The following TAFA5 variants were observed in gnomAD, a reference collection of about 807,000 sequenced individuals.
TAFA5 encodes the protein chemokine-like protein TAFA-5.
A neutral mutation model predicts 15.3 loss-of-function variants in TAFA5; 6 were observed. That is an observed-to-expected ratio of 0.39 (90% confidence interval 0.21 to 0.77). The LOEUF (loss-of-function observed/expected upper bound fraction) is 0.77. TAFA5 is among the 30% of genes least tolerant of loss of function. The pLI, the probability that TAFA5 is intolerant of heterozygous loss-of-function variation, is 0.41. For missense variants in TAFA5, 161 were observed against 193.1 expected (o/e 0.83, Z 0.98); for synonymous variants, 103 against 80.7 (o/e 1.28, Z -1.48).
chr22:48,588,236 G>A (rs141407735), intron 1 of TAFA5, among the ~76,000 whole-genome samples: 55 of 152,330 alleles, frequency 3.6e-4, no homozygotes, highest in Admixed American at 1.3e-4. Context: ...GGCCATGACC[G>A]CAGTGACTGC....
intron 2 of TAFA5, among the ~76,000 whole-genome samples, chr22:48,678,267 C>G (rs1373179796): frequency 6.6e-6 from 1 of 152,226 alleles, no homozygotes; most frequent in Non-Finnish European, 1.5e-5. Flanking sequence ...TCTCTCCCGC[C>G]GGCTCTGTGC....
intron 1 of TAFA5, chr22:48,576,409 G>C: frequency 8.0e-7 from 1 of 1,250,190 alleles, no homozygotes; most frequent in Non-Finnish European, 1.0e-6. Flanking sequence ...GCTGCACCCG[G>C]CGGGGCGCTG....
At chr22:48,557,348 C>T (rs912894192) in intron 1 of TAFA5, among the ~76,000 whole-genome samples, 5 of 152,132 alleles carry the variant, frequency 3.3e-5, no homozygotes, top group Admixed American at 6.5e-5. Context: ...GAGAAGACGG[C>T]GTCCACAGGC....
intron 2 of TAFA5, among the ~76,000 whole-genome samples, chr22:48,652,973 C>A (rs1241251779): frequency 6.6e-6 from 1 of 152,226 alleles, no homozygotes; most frequent in Non-Finnish European, 1.5e-5. Flanking sequence ...GGCTTGGGGT[C>A]CGTGCTTTGT....
intron 2 of TAFA5, among the ~76,000 whole-genome samples, chr22:48,648,002 G>A (rs1293218603): frequency 6.6e-6 from 1 of 152,210 alleles, no homozygotes; most frequent in African/African-American, 2.4e-5. Flanking sequence ...GCCAGAAGAA[G>A]ATAGGGACAG....
chr22:48,664,232 G>T (rs939652804), intron 2 of TAFA5, among the ~76,000 whole-genome samples: 2 of 152,208 alleles, frequency 1.3e-5, no homozygotes, highest in African/African-American at 4.8e-5. Context: ...CTGGTGGTCT[G>T]GGGGTGTATC....
intron 2 of TAFA5, among the ~76,000 whole-genome samples, chr22:48,695,872 A>G (rs776395456): frequency 2.0e-5 from 3 of 152,122 alleles, no homozygotes; most frequent in Non-Finnish European, 4.4e-5. Context: ...AGTTCTGCAT[A>G]CAGCATCACT....
At chr22:48,627,598 G>A (rs562594622) in intron 1 of TAFA5, among the ~76,000 whole-genome samples, 13 of 152,264 alleles carry the variant, frequency 8.5e-5, no homozygotes, top group Non-Finnish European at 1.6e-4. Flanking sequence ...CTTAATGGGG[G>A]CGAGTAGCAG....
chr22:48,685,527 T>C (rs1928325425), intron 2 of TAFA5, among the ~76,000 whole-genome samples: 1 of 152,184 alleles, frequency 6.6e-6, no homozygotes, highest in Non-Finnish European at 1.5e-5. Flanking sequence ...GAATTTGGTA[T>C]CTTATTGCCA....
intron 1 of TAFA5, among the ~76,000 whole-genome samples, chr22:48,588,547 T>C (rs535516207): frequency 8.5e-5 from 13 of 152,268 alleles, no homozygotes; most frequent in African/African-American, 3.1e-4. Flanking sequence ...CCCCGTCCCC[T>C]GTGTTGGACT....
intron 1 of TAFA5, among the ~76,000 whole-genome samples, chr22:48,571,218 T>C (rs966811729): frequency 1.3e-5 from 2 of 152,154 alleles, no homozygotes; most frequent in African/African-American, 4.8e-5. Context: ...TAAAGCAAAA[T>C]TCAGTATCAG....
intron 1 of TAFA5, among the ~76,000 whole-genome samples, chr22:48,585,110 ACAC>A (rs1924295802): frequency 6.7e-6 from 1 of 149,764 alleles, no homozygotes; most frequent in South Asian, 2.1e-4. Context: ...ACGCACACAC[ACAC>A]AATACACCAC....
intron 3 of TAFA5, among the ~76,000 whole-genome samples, chr22:48,727,593 G>A (rs527913187): frequency 1.8e-4 from 27 of 152,176 alleles, no homozygotes; most frequent in Admixed American, 3.9e-4. Flanking sequence ...TGTTCGGATA[G>A]AATGTCACTA....
At chr22:48,709,439 A>T (rs1035479084) in intron 3 of TAFA5, among the ~76,000 whole-genome samples, 2 of 151,946 alleles carry the variant, frequency 1.3e-5, no homozygotes, top group Non-Finnish European at 2.9e-5. Context: ...TACCGCCCTG[A>T]GTCTCCAGCA....
chr22:48,576,344 G>T, intron 1 of TAFA5: 1 of 1,188,420 alleles, frequency 8.4e-7, no homozygotes, highest in Non-Finnish European at 1.0e-6. Context: ...GCCTCCAGTC[G>T]CGGCGGAGCG....
chr22:48,722,001 CGT>C (rs199904134), intron 3 of TAFA5, among the ~76,000 whole-genome samples: 172 of 152,040 alleles, frequency 1.1e-3, no homozygotes, highest in African/African-American at 3.3e-3. Flanking sequence ...AATAAACATA[CGT>C]GTGTGTGTGT....
At chr22:48,536,157 G>T (rs1922154513) in intron 1 of TAFA5, among the ~76,000 whole-genome samples, 1 of 152,138 alleles carries the variant, frequency 6.6e-6, no homozygotes. Context: ...ATGTAGGTGT[G>T]GGTCTCTGTC....
rs192287716 is a variant in TAFA5 at position 48,493,245 on chromosome 22, G to A, written c.112+3541G>A. Reference sequence around the variant, plus strand: ...GTGGGGACCCAGACTATATTTCAGCGTACCAGGGAGAGTGAGGAAGACAGA... The same window carrying A: ...GTGGGGACCCAGACTATATTTCAGCATACCAGGGAGAGTGAGGAAGACAGA... On this transcript the variant is annotated intron_variant, in intron 1 of 3. Coordinates refer to ENST00000402357, the MANE Select transcript of TAFA5 (RefSeq NM_001082967.3). Among the ~76,000 whole-genome samples, 82 of 152,330 alleles carry A rather than the reference G, an allele frequency of 5.4e-4. No homozygotes were observed. The East Asian group carries it at 0.012, about 23-fold the overall frequency.
intron 1 of TAFA5, among the ~76,000 whole-genome samples, chr22:48,606,364 A>G (rs149313901): frequency 1.6e-4 from 24 of 152,326 alleles, no homozygotes; most frequent in Non-Finnish European, 2.8e-4. Context: ...TCCCTTCCAC[A>G]AGCAGAGAAA....
Sources: allele counts gnomAD v4.1 joint callset (sites outside exome capture counted in the v4.1 genomes callset), GRCh38; gene constraint gnomAD v4.1.1; transcripts MANE v1.5; gene names NCBI Gene and HGNC (gene_info 2026-07-23, HGNC 2026-07-21).